Variants in IGDCC3 observed in about 807,000 individuals in gnomAD.
IGDCC3 encodes the protein putative neuronal cell adhesion molecule.
A neutral mutation model predicts 72.0 loss-of-function variants in IGDCC3; 47 were observed. The ratio of observed to expected loss-of-function variants is 0.65; its 90% CI spans 0.52 to 0.83. The LOEUF (loss-of-function observed/expected upper bound fraction) is 0.83, where lower values mean the gene tolerates loss of function less well. Among genes scored for constraint, IGDCC3 ranks in the 40% least tolerant of loss-of-function variants. The pLI, the probability that IGDCC3 is intolerant of heterozygous loss-of-function variation, is 0.00. For missense variants in IGDCC3, 1,038 were observed against 1,091.3 expected (o/e 0.95, Z 0.69); for synonymous variants, 477 against 472.8 (o/e 1.01, Z -0.11).
chr15:65,330,859 CA>C, intron 9 of IGDCC3, 118 bp from the exon 10 acceptor site: 2 of 1,093,086 alleles, frequency 1.8e-6, no homozygotes, highest in Non-Finnish European at 2.6e-6. Context: ...TGGCCAAGGG[CA>C]TGTGCTTATG....
At position 65,377,059 on chromosome 15, in the gene IGDCC3, T is replaced by C. The variant is rs1354329081; in HGVS notation, c.103+627A>G. ...GCACGTGAGCATCCCCGCGGCTCGC[T>C]CGCTCTCGCTTTCGGTGGCTTCTCC... On this transcript the variant is annotated intron_variant, in intron 1 of 13. Coordinates refer to ENST00000327987, the MANE Select transcript of IGDCC3 (RefSeq NM_004884.4). This position sits in a 1 kb window ranked among gnomAD's most constrained non-coding sequence, Gnocchi z 4.9. Among the ~76,000 whole-genome samples the C allele has an allele frequency of 6.6e-6, 1 of 152,032 alleles. No individual in the cohort carries two copies. The highest frequency in any genetic ancestry group is 1.5e-5 in the Non-Finnish European group (1 of 67,980).
At chr15:65,347,669 G>T (rs918992196) in intron 2 of IGDCC3, among the ~76,000 whole-genome samples, 2 of 152,182 alleles carry the variant, frequency 1.3e-5, no homozygotes, top group Non-Finnish European at 2.9e-5. Flanking sequence ...GGTGGCTCAC[G>T]CCTGTAATCC....
At chr15:65,366,161 T>C (rs890852659) in intron 2 of IGDCC3, among the ~76,000 whole-genome samples, 3 of 146,566 alleles carry the variant, frequency 2.0e-5, no homozygotes, top group South Asian at 2.2e-4. Flanking sequence ...TGAGCCGAGA[T>C]TGAGCCACTG....
intron 2 of IGDCC3, among the ~76,000 whole-genome samples, chr15:65,358,761 A>G (rs2091242221): frequency 6.6e-6 from 1 of 151,996 alleles, no homozygotes; most frequent in Admixed American, 6.6e-5. Context: ...CCTGGGCTCA[A>G]CCGATCCTCC....
In IGDCC3 at chr15:65,334,729, C is replaced by A. The variant is rs771130076; in HGVS notation, c.822G>T (p.Leu274=). 4 of 1,562,798 alleles carry A rather than the reference C, an allele frequency of 2.6e-6. No individual in the cohort carries two copies. The Admixed American group carries it at 5.7e-5, about 22-fold the overall frequency. ...NPRPIVSWSR[L]DGRPIGVEGI... ...AGGGGCTGTGGGGATGAGGCTCACC[C>A]AGGCGGCTCCAGGACACAATGGGGC... The change falls in exon 5 of 14, where the codon CTG becomes CTT. Residue 274 remains leucine (L), a splice_region_variant and synonymous_variant. Coordinates refer to ENST00000327987, the MANE Select transcript of IGDCC3 (RefSeq NM_004884.4).
chr15:65,376,128 T>C (rs2091357399), intron 1 of IGDCC3, among the ~76,000 whole-genome samples: 1 of 152,142 alleles, frequency 6.6e-6, no homozygotes, highest in South Asian at 2.1e-4. Flanking sequence ...TGGGTGTTGG[T>C]CCTTTTGCCT....
At chr15:65,375,439 TGTTA>T in intron 1 of IGDCC3, 37 bp from the exon 2 acceptor site, 1 of 1,520,078 alleles carries the variant, frequency 6.6e-7, no homozygotes, top group Non-Finnish European at 8.9e-7. Flanking sequence ...GAAATAGGGG[TGTTA>T]GTATGAAATG....
At chr15:65,332,790 CCCCGCCCCACGG>C (rs1235822663) in intron 6 of IGDCC3, among the ~76,000 whole-genome samples, 16 of 152,242 alleles carry the variant, frequency 1.1e-4, no homozygotes, top group African/African-American at 3.4e-4. Context: ...AGCGGCAGGG[CCCCGCCCCACGG>C]GAGGGGAGGC....
chr15:65,357,472 T>C (rs1228443367), intron 2 of IGDCC3, among the ~76,000 whole-genome samples: 1 of 152,182 alleles, frequency 6.6e-6, no homozygotes, highest in Non-Finnish European at 1.5e-5. Flanking sequence ...TTATAAGCAT[T>C]TTCTAGACTG....
chr15:65,350,606 T>C (rs144490346), intron 2 of IGDCC3, among the ~76,000 whole-genome samples: 4,545 of 151,888 alleles, frequency 0.03, 143 homozygotes, highest in East Asian at 0.13. Flanking sequence ...GGATTACAGG[T>C]GCGTGCCACC....
intron 2 of IGDCC3, among the ~76,000 whole-genome samples, chr15:65,351,776 T>G (rs2091175686): frequency 6.6e-6 from 1 of 152,206 alleles, no homozygotes; most frequent in African/African-American, 2.4e-5. Flanking sequence ...TATGGGAAAC[T>G]CCTATAATTT....
At chr15:65,368,865 CA>C (rs2091305816) in intron 2 of IGDCC3, among the ~76,000 whole-genome samples, 1 of 152,032 alleles carries the variant, frequency 6.6e-6, no homozygotes, top group Non-Finnish European at 1.5e-5. Flanking sequence ...GGGTGGGGAG[CA>C]AAAGAGAAGC....
intron 2 of IGDCC3, among the ~76,000 whole-genome samples, chr15:65,363,123 G>A (rs1487949621): frequency 6.6e-6 from 1 of 152,148 alleles, no homozygotes; most frequent in African/African-American, 2.4e-5. Flanking sequence ...GCCTCCCAAA[G>A]TGCTGGGATT....
chr15:65,352,964 C>G (rs1306096223), intron 2 of IGDCC3, among the ~76,000 whole-genome samples: 1 of 152,166 alleles, frequency 6.6e-6, no homozygotes, highest in Non-Finnish European at 1.5e-5. Flanking sequence ...TCTCTGTCTG[C>G]TATTCATGAG....
intron 2 of IGDCC3, among the ~76,000 whole-genome samples, chr15:65,342,752 C>G (rs1413318557): frequency 6.6e-6 from 1 of 152,238 alleles, no homozygotes; most frequent in Non-Finnish European, 1.5e-5. Context: ...TCAGATCCCA[C>G]GCTAGGGCTG....
Position 65,332,011 on chromosome 15 carries a change from G to A in IGDCC3, c.1078C>T (p.His360Tyr). ...TCQAQGEPPP[H>Y]VTWLKNGQVL... ...TGTCCATTTTTCAGCCACGTGACAT[G>A]AGGCGGTGGCTCACCCTGGGCTTGG... The change falls in exon 7 of 14, where the codon CAT becomes TAT. Residue 360 changes from histidine to tyrosine, a missense_variant. Physicochemically the swap from His to Tyr is moderately conservative, Grantham distance 83. Coordinates refer to ENST00000327987, the MANE Select transcript of IGDCC3 (RefSeq NM_004884.4). 1.9e-6 allele frequency: 3 copies of A among 1,614,222 alleles called. No homozygotes were observed. Among genetic ancestry groups the A allele is most frequent in the Non-Finnish European group, 2.5e-6 (3 of 1,180,040 alleles).
chr15:65,371,072 G>A (rs560177066), intron 2 of IGDCC3, among the ~76,000 whole-genome samples: 1 of 152,378 alleles, frequency 6.6e-6, no homozygotes, highest in South Asian at 2.1e-4. Flanking sequence ...TGTTGGGCCT[G>A]CCCAGGCAAG....
In IGDCC3 at chr15:65,329,647, G is replaced by A. The variant is rs775416803; in HGVS notation, c.1998-50C>T. ...GGAGGGAGAGAGAAAAGAGACAGAG[G>A]CAGTGAGCCCACACTCACCTTCTCT... is the stretch of plus-strand genomic sequence containing the variant. On this transcript the variant is annotated intron_variant, in intron 12 of 13. Transcript: ENST00000327987. The surrounding 1 kb of genome is among the most constrained non-coding windows in gnomAD (Gnocchi z 4.1). 2 of 1,610,068 alleles carry A rather than the reference G, an allele frequency of 1.2e-6. No homozygotes were observed. Among genetic ancestry groups the A allele is most frequent in the Non-Finnish European group, 1.7e-6 (2 of 1,176,756 alleles).
In IGDCC3 at chr15:65,377,440, G is replaced by T. The variant is rs1306977002; in HGVS notation, c.103+246C>A. 6.6e-6 allele frequency among the ~76,000 whole-genome samples: 1 copy of T among 152,090 alleles called. No individual in the cohort carries two copies. Among genetic ancestry groups the T allele is most frequent in the African/African-American group, 2.4e-5 (1 of 41,422 alleles). On this transcript the variant is annotated intron_variant, in intron 1 of 13. Transcript: ENST00000327987. The surrounding 1 kb of genome is among the most constrained non-coding windows in gnomAD (Gnocchi z 4.9). Reference sequence around the variant, plus strand: ...GCTTCGCTGCACTCCTTGCTCCTCAGTCTGGGCTCCGGGTCCTGCCCCAGT... The same window carrying T: ...GCTTCGCTGCACTCCTTGCTCCTCATTCTGGGCTCCGGGTCCTGCCCCAGT...
Sources: allele counts gnomAD v4.1 joint callset (sites outside exome capture counted in the v4.1 genomes callset), GRCh38; gene constraint gnomAD v4.1.1; non-coding constraint Gnocchi (gnomAD v3.1); transcripts MANE v1.5; gene names NCBI Gene and HGNC (gene_info 2026-07-23, HGNC 2026-07-21).